MAP4: variants seen among roughly 807,000 people sequenced by gnomAD.
MAP4 encodes microtubule associated protein 4.
A neutral mutation model predicts 170.2 loss-of-function variants in MAP4; 76 were observed. The observed-to-expected ratio is 0.45, with a 90% CI of 0.37 to 0.54. MAP4 has a LOEUF of 0.54. Ranked by LOEUF, MAP4 falls within the 20% of genes least tolerant of loss-of-function variation. The pLI is 0.00. For missense variants in MAP4, 2,506 were observed against 2,748.0 expected, an observed-to-expected ratio of 0.91 and a Z score of 1.97; for synonymous variants, 909 against 994.5, an observed-to-expected ratio of 0.91 and a Z score of 1.62.
At chr3:48,026,948 GAATC>G (rs2100113415) in intron 1 of MAP4, among the ~76,000 whole-genome samples, 1 of 152,094 alleles carries the variant, frequency 6.6e-6, no homozygotes, top group Admixed American at 6.6e-5. Flanking sequence ...CATCAAATTA[GAATC>G]AATTTGCTTG....
chr3:48,062,259 C>T (rs1559884537), intron 1 of MAP4, among the ~76,000 whole-genome samples: 3 of 152,152 alleles, frequency 2.0e-5, no homozygotes, highest in South Asian at 2.1e-4. Flanking sequence ...GGATTAAGGG[C>T]GGAGCAAGAT....
intron 10 of MAP4, among the ~76,000 whole-genome samples, chr3:47,896,206 TA>T (rs1577228736): frequency 6.6e-6 from 1 of 152,206 alleles, no homozygotes; most frequent in East Asian, 1.9e-4. Flanking sequence ...CACAAATACA[TA>T]ATGTATCTAC....
chr3:48,029,052 G>C (rs1257363789), intron 1 of MAP4, among the ~76,000 whole-genome samples: 2 of 151,630 alleles, frequency 1.3e-5, no homozygotes, highest in East Asian at 3.9e-4. Context: ...AGGCTGAGGT[G>C]TGAGGATCAC....
chr3:48,030,215 C>A (rs2100115309), intron 1 of MAP4, among the ~76,000 whole-genome samples: 1 of 150,682 alleles, frequency 6.6e-6, no homozygotes. Context: ...ACAGTGAGAC[C>A]CTGTCTCAAT....
chr3:48,000,778 T>C (rs1414833688), intron 1 of MAP4, among the ~76,000 whole-genome samples: 8 of 152,178 alleles, frequency 5.3e-5, no homozygotes, highest in Non-Finnish European at 8.8e-5. Context: ...AGTAAAAATA[T>C]ACTATGATTC....
intron 17 of MAP4, among the ~76,000 whole-genome samples, chr3:47,862,965 GT>G (rs772169603): frequency 1.9e-3 from 237 of 128,036 alleles, no homozygotes; most frequent in Admixed American, 2.5e-3. Context: ...ATAAAAAGTT[GT>G]TTTTTTTTTT....
chr3:48,060,969 C>T (rs911619473), intron 1 of MAP4, among the ~76,000 whole-genome samples: 3 of 151,968 alleles, frequency 2.0e-5, no homozygotes, highest in African/African-American at 4.8e-5. Context: ...CTCAGCCTCC[C>T]AAGTAGCTGG....
intron 3 of MAP4, among the ~76,000 whole-genome samples, chr3:47,957,244 T>C (rs1181245325): frequency 6.6e-6 from 1 of 152,208 alleles, no homozygotes; most frequent in African/African-American, 2.4e-5. Flanking sequence ...CTTGTCTCAC[T>C]GAAACCTCTG....
At chr3:47,865,680 G>A (rs941614415) in intron 17 of MAP4, among the ~76,000 whole-genome samples, 5 of 152,186 alleles carry the variant, frequency 3.3e-5, no homozygotes, top group South Asian at 4.1e-4. Context: ...GACCTAGTCC[G>A]GTTCAGGACA....
chr3:47,927,037 T>C (rs542276265), intron 4 of MAP4, among the ~76,000 whole-genome samples: 2 of 151,638 alleles, frequency 1.3e-5, no homozygotes, highest in African/African-American at 4.8e-5. Context: ...TGGGCACCTG[T>C]AATTCCAGCT....
At chr3:48,014,833 A>G (rs2100106992) in intron 1 of MAP4, among the ~76,000 whole-genome samples, 2 of 152,178 alleles carry the variant, frequency 1.3e-5, no homozygotes, top group African/African-American at 2.4e-5. Flanking sequence ...TCTTAATTTA[A>G]AAGTGGGTAA....
At chr3:47,939,867 G>A (rs528889644) in intron 3 of MAP4, among the ~76,000 whole-genome samples, 1 of 151,642 alleles carries the variant, frequency 6.6e-6, no homozygotes, top group South Asian at 2.1e-4. Context: ...TTTTTGAGGT[G>A]GAGTCTCACT....
intron 3 of MAP4, among the ~76,000 whole-genome samples, chr3:47,946,134 G>A (rs2100059735): frequency 6.7e-6 from 1 of 148,974 alleles, no homozygotes; most frequent in African/African-American, 2.5e-5. Flanking sequence ...TAGTAGAGAT[G>A]GGGTTTCACC....
At chr3:47,915,061 G>C (rs536861108) in intron 7 of MAP4, 122 bp from the exon 8 acceptor site, 2 of 1,156,498 alleles carry the variant, frequency 1.7e-6, no homozygotes, top group South Asian at 2.8e-5. Context: ...GGCAGCAAAG[G>C]AGTGAAGTGG....
intron 10 of MAP4, among the ~76,000 whole-genome samples, chr3:47,882,846 G>T (rs1189418890): frequency 6.6e-6 from 1 of 151,562 alleles, no homozygotes; most frequent in African/African-American, 2.4e-5. Context: ...TCACTCTGTC[G>T]TCCAGGTTGG....
chr3:47,970,643 G>A (rs1037391237), intron 3 of MAP4, among the ~76,000 whole-genome samples: 4 of 151,594 alleles, frequency 2.6e-5, no homozygotes, highest in Non-Finnish European at 4.4e-5. Flanking sequence ...AACTCCATCT[G>A]TACTAAAAAT....
At chr3:48,066,986 G>A (rs554026560) in intron 1 of MAP4, among the ~76,000 whole-genome samples, 29 of 151,708 alleles carry the variant, frequency 1.9e-4, no homozygotes, top group African/African-American at 6.5e-4. Context: ...GACCACAAGC[G>A]CCCATCACCA....
In MAP4 at chr3:47,921,881, G is replaced by A; in HGVS notation, c.416-3C>T. The A allele has an allele frequency of 7.5e-7, 1 of 1,337,868 alleles. No homozygotes were observed. The highest frequency in any genetic ancestry group is 1.1e-6 in the Non-Finnish European group (1 of 928,872). 82.9% of individuals were successfully genotyped at this position (1,337,868 alleles called of 1,614,324 possible). On this transcript the variant is annotated splice_polypyrimidine_tract_variant and splice_region_variant and intron_variant, in intron 4 of 20. Coordinates refer to ENST00000683076, the MANE Select transcript of MAP4 (RefSeq NM_001385682.1). ...ATCATGGTACATCTTAAAGGGATCT[G>A]GAATATAGAAGAAATCCAAAACTCA...
At chr3:48,082,797 CAAA>C (rs1294638726) in intron 1 of MAP4, among the ~76,000 whole-genome samples, 18 of 49,000 alleles carry the variant, frequency 3.7e-4, no homozygotes, top group African/African-American at 8.1e-4. Context: ...GACTTTGTCT[CAAA>C]AAAAAAAAAA....
Sources: gnomAD v4.1 joint callset for allele counts (sites outside exome capture counted in the v4.1 genomes callset) on GRCh38, gnomAD v4.1.1 for gene constraint, MANE v1.5 for transcripts, NCBI Gene and HGNC (gene_info 2026-07-23, HGNC 2026-07-21) for gene names.